The following CCDC190 variants were observed in gnomAD, a reference collection of about 807,000 sequenced individuals.
CCDC190 encodes coiled-coil domain containing 190.
Under a neutral mutation model 13.1 loss-of-function variants are expected in CCDC190, and 10 were observed. That is an observed-to-expected ratio of 0.77 (90% CI 0.47 to 1.30). The LOEUF is 1.30. CCDC190 is among the 50% of genes most tolerant of loss of function. The probability of loss-of-function intolerance (pLI) is 0.00; values close to 1 mark genes in which losing one functional copy is unlikely to be tolerated. For missense variants in CCDC190, 375 were observed against 354.3 expected (o/e 1.06, Z -0.47); for synonymous variants, 136 against 127.2 (o/e 1.07, Z -0.47).
At position 162,855,182 on chromosome 1, in the gene CCDC190, A is replaced by T; in HGVS notation, c.489T>A (p.Asn163Lys). Residue 163 changes from asparagine to lysine, a missense_variant, in exon 4 of 4, where the codon AAT becomes AAA. By Grantham distance (94) the Asn-to-Lys change is moderately conservative (BLOSUM62 0). Coordinates refer to ENST00000367912, the MANE Select transcript of CCDC190 (RefSeq NM_001394065.1). ...TGCTGGGGTCTACGTCCTTAGATGGATTCACAGAATCTTTCTCTTGGGCTT... is the reference window on the plus strand; with the variant it reads ...TGCTGGGGTCTACGTCCTTAGATGGTTTCACAGAATCTTTCTCTTGGGCTT... ...QPQAQEKDSVNPSKDVDPSKG... is the reference protein window; with the variant it reads ...QPQAQEKDSVKPSKDVDPSKG... The T allele has an allele frequency of 1.2e-6, 2 of 1,613,932 alleles. No homozygotes were observed. Among genetic ancestry groups the T allele is most frequent in the Non-Finnish European group, 1.7e-6 (2 of 1,179,882 alleles).
chr1:162,860,714 C>T (rs931521395), intron 1 of CCDC190, among the ~76,000 whole-genome samples: 6 of 152,124 alleles, frequency 3.9e-5, no homozygotes, highest in African/African-American at 9.6e-5. Context: ...TGCACCACCA[C>T]GCCTGGCTAA....
At position 162,855,085 on chromosome 1, in the gene CCDC190, G is replaced by T. The variant is rs780339901; in HGVS notation, c.586C>A (p.Pro196Thr). Residue 196 changes from proline (P) to threonine (T), a missense_variant, in exon 4 of 4, where the codon CCA (proline) becomes ACA (threonine). By Grantham distance (38) the Pro-to-Thr change is conservative. Transcript: ENST00000367912. ...CATGCCATTCCACTATCACTAGCTG[G>T]GCTGGAACTAGGACCTTGTTCTATG... ...NTIEQGPSSS[P>T]ASDSGMACAD... 1 of 1,613,974 alleles carries T rather than the reference G, an allele frequency of 6.2e-7. No homozygotes were observed. The highest frequency in any genetic ancestry group is 8.5e-7 in the Non-Finnish European group (1 of 1,179,888).
chr1:162,867,794 A>C (rs896288460), intron 1 of CCDC190, among the ~76,000 whole-genome samples: 5 of 152,230 alleles, frequency 3.3e-5, no homozygotes, highest in Non-Finnish European at 5.9e-5. Flanking sequence ...GCATGAATGA[A>C]TCTTACAGAT....
chr1:162,854,563 T>C lies in CCDC190; in HGVS notation c.*202A>G, dbSNP rs1410118430. On this transcript the variant is annotated 3_prime_UTR_variant, in exon 4 of 4. Transcript: ENST00000367912. ...TATCACTTAAAATATTTTCAGAAGA[T>C]TCATTCTTCCTCTCCTTTTTCATAT... 2.9e-6 allele frequency: 4 copies of C among 1,357,312 alleles called. No homozygotes were observed. The highest frequency in any genetic ancestry group is 5.4e-5 in the East Asian group (2 of 37,296). 84.1% of individuals were successfully genotyped at this position (1,357,312 alleles called of 1,614,324 possible).
At chr1:162,864,311 T>C (rs374663872), upstream of CCDC190, among the ~76,000 whole-genome samples, 342 of 152,252 alleles carry the variant, frequency 2.2e-3, 2 homozygotes, top group African/African-American at 7.7e-3. Context: ...TTGAATAATG[T>C]TTCAGTCACA....
upstream of CCDC190, among the ~76,000 whole-genome samples, chr1:162,865,510 A>C (rs981517533): frequency 2.0e-5 from 3 of 151,274 alleles, no homozygotes; most frequent in African/African-American, 7.4e-5. Flanking sequence ...GTTTTAATAC[A>C]TGTGAAAAAT....
chr1:162,865,883 C>G (rs1650684184), upstream of CCDC190, among the ~76,000 whole-genome samples: 1 of 152,084 alleles, frequency 6.6e-6, no homozygotes, highest in Non-Finnish European at 1.5e-5. Context: ...TATTAGAGGA[C>G]TTAGCTACTT....
At position 162,852,826 on chromosome 1, in the gene CCDC190, A is replaced by C. The variant is rs35154054; in HGVS notation, c.*1939T>G. 44,016 of 395,592 alleles carry C rather than the reference A, an allele frequency of 0.11. 2,804 individuals are homozygous for C. The highest frequency in any genetic ancestry group is 0.14 in the African/African-American group (6,894 of 49,466). 24.5% of individuals were successfully genotyped at this position (395,592 alleles called of 1,614,324 possible). On this transcript the variant is annotated 3_prime_UTR_variant, in exon 4 of 4. Transcript: ENST00000367912. ...GAGAGCTAGTACAGTGAAAAGACCCACTTAGCAGTGACAAACCATTCACTC... is the reference window on the plus strand; with the variant it reads ...GAGAGCTAGTACAGTGAAAAGACCCCCTTAGCAGTGACAAACCATTCACTC...
intron 2 of CCDC190, 45 bp from the exon 3 acceptor site, chr1:162,855,800 T>C (rs1650283222): frequency 6.5e-7 from 1 of 1,537,838 alleles, no homozygotes; most frequent in Non-Finnish European, 8.8e-7. Context: ...GATTGTGTCC[T>C]TAAATTTTTT....
upstream of CCDC190, among the ~76,000 whole-genome samples, chr1:162,862,966 T>TA (rs1360648909): frequency 6.6e-6 from 1 of 151,724 alleles, no homozygotes; most frequent in Admixed American, 6.6e-5. Context: ...TTTTTTTTTT[T>TA]AATAAACAAA....
At chr1:162,859,963 G>GAA (rs765740448) in intron 1 of CCDC190, among the ~76,000 whole-genome samples, 4 of 121,314 alleles carry the variant, frequency 3.3e-5, no homozygotes, top group South Asian at 2.7e-4. Flanking sequence ...CAACTCTTTG[G>GAA]AAAAAAAAAA....
At position 162,859,630 on chromosome 1, in the gene CCDC190, A is replaced by G. The variant is rs770434861; in HGVS notation, c.17T>C (p.Val6Ala). 35 of 1,613,336 alleles carry G rather than the reference A, an allele frequency of 2.2e-5. No homozygotes were observed. In the Admixed American group the frequency reaches 5.8e-4, roughly 27 times the overall value. The change falls in exon 2 of 4, where the codon GTC becomes GCC. Residue 6 changes from valine to alanine, a missense_variant. Coordinates refer to ENST00000367912, the MANE Select transcript of CCDC190 (RefSeq NM_001394065.1). ...AAAATGCTTATACAATTGTCCCCTG[A>G]CCATGTGCCTCTCCATCTTCTTTAT... MERHM[V>A]RGQLYKHFDL...
rs1446654125 is a variant in CCDC190, at chr1:162,854,666, T to G, written c.*99A>C. The G allele has an allele frequency of 6.9e-7, 1 of 1,455,898 alleles. No homozygotes were observed. The highest frequency in any genetic ancestry group is 9.0e-7 in the Non-Finnish European group (1 of 1,105,784). The allele number at this position is 1,455,898 out of a possible 1,614,324, so 90.2% of individuals were successfully genotyped here. On this transcript the variant is annotated 3_prime_UTR_variant, in exon 4 of 4. Coordinates refer to ENST00000367912, the MANE Select transcript of CCDC190 (RefSeq NM_001394065.1). ...TTAAAATAAAATTGTAATTCAATTA[T>G]GTTTGTTTGTTTTTCTCTGTATTGC...
chr1:162,867,031 A>G (rs1298781675), intron 1 of CCDC190, among the ~76,000 whole-genome samples: 2 of 152,124 alleles, frequency 1.3e-5, no homozygotes, highest in African/African-American at 4.8e-5. Context: ...TGTAAACTTG[A>G]GTTTGGCAAA....
chr1:162,868,267 C>T (rs1650775413), intron 1 of CCDC190, among the ~76,000 whole-genome samples: 3 of 152,068 alleles, frequency 2.0e-5, no homozygotes, highest in Admixed American at 2.0e-4. Flanking sequence ...GTGGGTACAT[C>T]TAAATGAAGA....
chr1:162,867,870 A>C (rs952929731), intron 1 of CCDC190, among the ~76,000 whole-genome samples: 11 of 152,164 alleles, frequency 7.2e-5, no homozygotes, highest in African/African-American at 2.7e-4. Context: ...ATATTATAAC[A>C]TGCACAATTA....
chr1:162,862,751 C>T (rs1426908272), upstream of CCDC190, among the ~76,000 whole-genome samples: 1 of 152,194 alleles, frequency 6.6e-6, no homozygotes. Flanking sequence ...CCTCTATTCT[C>T]TCCTAGCCCA....
chr1:162,859,430 C>T, intron 2 of CCDC190, 30 bp downstream of exon 2: 1 of 1,596,974 alleles, frequency 6.3e-7, no homozygotes, highest in Non-Finnish European at 8.5e-7. Flanking sequence ...GCCTCTGGGG[C>T]ATCCTCCTCA....
chr1:162,859,963 G>GA lies in CCDC190; in HGVS notation c.-12-306dup, dbSNP rs765740448. Among the ~76,000 whole-genome samples the GA allele has an allele frequency of 5.1e-3, 623 of 121,184 alleles. 1 individual carries two copies. The highest frequency in any genetic ancestry group is 0.016 in the South Asian group (61 of 3,746). The allele number at this position is 121,184 out of a possible 152,430, so 79.5% of individuals were successfully genotyped here. ...TGAGAAGTGTAAGAACAACTCTTTG[G>GA]AAAAAAAAAAAAAAGGCAGTCTACA... On this transcript the variant is annotated intron_variant, in intron 1 of 3. Transcript: ENST00000367912.
Sources: gnomAD v4.1 joint callset for allele counts (sites outside exome capture counted in the v4.1 genomes callset) on GRCh38, gnomAD v4.1.1 for gene constraint, MANE v1.5 for transcripts, NCBI Gene and HGNC (gene_info 2026-07-23, HGNC 2026-07-21) for gene names.